ZNF569: variants seen among roughly 807,000 people sequenced by gnomAD.
ZNF569 encodes the protein DNA-binding protein.
A neutral mutation model predicts 56.3 loss-of-function variants in ZNF569; 38 were observed. The ratio of observed to expected loss-of-function variants is 0.68; its 90% CI spans 0.52 to 0.88. The LOEUF is 0.88. Among genes scored for constraint, ZNF569 ranks in the 40% least tolerant of loss-of-function variants. The pLI is 0.00. For missense variants in ZNF569, 666 were observed against 809.2 expected, an observed-to-expected ratio of 0.82 and a Z score of 2.15; for synonymous variants, 241 against 262.9, an observed-to-expected ratio of 0.92 and a Z score of 0.81.
intron 3 of ZNF569, among the ~76,000 whole-genome samples, chr19:37,443,131 G>A (rs771995083): frequency 6.6e-6 from 1 of 152,230 alleles, no homozygotes; most frequent in South Asian, 2.1e-4. Context: ...CAGATAACCC[G>A]AGGTCAGGAG....
Position 37,412,972 on chromosome 19 carries a change from G to C in ZNF569, c.1686C>G (p.Cys562Trp), listed in dbSNP as rs1399980533. The part of the protein sequence containing the change: ...CDKCGKAFSQ[C>W]SLLNLHMRSH... Reference sequence around the variant, plus strand: ...TTCTCATATGTAAATTAAGCAGTGAGCACTGAGAGAAGGCTTTACCACATT... The same window carrying C: ...TTCTCATATGTAAATTAAGCAGTGACCACTGAGAGAAGGCTTTACCACATT... The change falls in exon 6 of 6, where the codon TGC (cysteine) becomes TGG (tryptophan). Residue 562 changes from cysteine (C) to tryptophan (W), a missense_variant. Coordinates refer to ENST00000316950, the MANE Select transcript of ZNF569 (RefSeq NM_152484.3). 3.0e-5 allele frequency: 49 copies of C among 1,613,346 alleles called. No homozygotes were observed. The highest frequency in any genetic ancestry group is 4.1e-5 in the Non-Finnish European group (48 of 1,179,766).
intron 2 of ZNF569, among the ~76,000 whole-genome samples, chr19:37,463,249 CAAT>C (rs145640518): frequency 0.024 from 3,601 of 152,250 alleles, 160 homozygotes; most frequent in African/African-American, 0.082. Context: ...TGCTGCGTAA[CAAT>C]GTTTCAGCCA....
At chr19:37,468,811 T>C (rs1443078714), upstream of ZNF569, among the ~76,000 whole-genome samples, 1 of 152,186 alleles carries the variant, frequency 6.6e-6, no homozygotes. Context: ...AGGCTGAGGG[T>C]AGCGGGTGGG....
At chr19:37,449,424 T>C (rs2041555014) in intron 2 of ZNF569, among the ~76,000 whole-genome samples, 1 of 152,210 alleles carries the variant, frequency 6.6e-6, no homozygotes, top group Non-Finnish European at 1.5e-5. Context: ...TCACGCTCTA[T>C]CGATTCCTGA....
Position 37,450,712 on chromosome 19 carries a change from A to G in ZNF569, c.-43-5748T>C, listed in dbSNP as rs544152151. ...CTGATTCTAGTTCCTTGAGATGTAA[A>G]GTTAGTTGTTTATTTGAGATCTTTC... On this transcript the variant is annotated intron_variant, in intron 2 of 5. Transcript: ENST00000316950. Among the ~76,000 whole-genome samples the G allele has an allele frequency of 2.0e-5, 3 of 152,056 alleles. No individual in the cohort carries two copies. In the East Asian group the frequency reaches 5.8e-4, roughly 29 times the overall value.
chr19:37,460,934 GA>G, intron 2 of ZNF569, among the ~76,000 whole-genome samples: 1 of 152,154 alleles, frequency 6.6e-6, no homozygotes, highest in East Asian at 1.9e-4. Flanking sequence ...GCTTCAAAAA[GA>G]AAATAAGTGC....
chr19:37,437,417 G>A (rs922867966), intron 3 of ZNF569, among the ~76,000 whole-genome samples: 2 of 152,074 alleles, frequency 1.3e-5, no homozygotes, highest in Non-Finnish European at 2.9e-5. Context: ...TTTAAGATCT[G>A]GAATATGACA....
At chr19:37,416,258 C>A (rs1319585486) in intron 5 of ZNF569, among the ~76,000 whole-genome samples, 191 of 128,920 alleles carry the variant, frequency 1.5e-3, no homozygotes, top group African/African-American at 4.1e-3. Flanking sequence ...AACAAAAAAA[C>A]AAAAAAACAA....
At chr19:37,439,133 C>G (rs1001290080) in intron 3 of ZNF569, among the ~76,000 whole-genome samples, 1 of 152,084 alleles carries the variant, frequency 6.6e-6, no homozygotes, top group African/African-American at 2.4e-5. Context: ...TGCAGTGGTG[C>G]GATCTTGGCT....
intron 5 of ZNF569, 92 bp downstream of exon 5, chr19:37,425,776 T>C: frequency 1.8e-6 from 2 of 1,097,466 alleles, no homozygotes; most frequent in Non-Finnish European, 2.7e-6. Context: ...TGAAAATATC[T>C]TTGAAGAATA....
intron 2 of ZNF569, among the ~76,000 whole-genome samples, chr19:37,450,452 G>GT (rs1039274089): frequency 4.6e-5 from 7 of 152,108 alleles, no homozygotes; most frequent in African/African-American, 1.7e-4. Context: ...ATTGTTCACA[G>GT]TTTTTTCTTA....
In ZNF569 at chr19:37,414,166, A is replaced by G. The variant is rs140277147; in HGVS notation, c.492T>C (p.His164=). The G allele has an allele frequency of 6.2e-7, 1 of 1,613,522 alleles. No homozygotes were observed. Among genetic ancestry groups the G allele is most frequent in the Admixed American group, 1.7e-5 (1 of 59,956 alleles). ...ATTTCACAGGTTCATTATATTCACA[A>G]TGCTCCTTTCTCATAAGGCATTTCA... ...NNVKCLMRKE[H]CEYNEPVKSY... is the part of the protein sequence containing the mutation. Residue 164 remains histidine, a synonymous_variant, in exon 6 of 6, where the codon CAT becomes CAC. Transcript: ENST00000316950.
chr19:37,419,360 T>C (rs2040990354), intron 5 of ZNF569, among the ~76,000 whole-genome samples: 1 of 152,238 alleles, frequency 6.6e-6, no homozygotes, highest in South Asian at 2.1e-4. Flanking sequence ...TCAGAGATAC[T>C]GTGGGTTCAG....
chr19:37,441,958 A>G (rs969165229), intron 3 of ZNF569, among the ~76,000 whole-genome samples: 1 of 152,230 alleles, frequency 6.6e-6, no homozygotes, highest in African/African-American at 2.4e-5. Flanking sequence ...ACAAAGTAGA[A>G]TCTGAATGAC....
intron 3 of ZNF569, among the ~76,000 whole-genome samples, chr19:37,443,145 G>A (rs1293254049): frequency 2.0e-5 from 3 of 152,302 alleles, no homozygotes; most frequent in African/African-American, 7.2e-5. Flanking sequence ...TCAGGAGTTG[G>A]AGACCAGCCT....
chr19:37,438,695 G>A (rs1174078529), intron 3 of ZNF569, among the ~76,000 whole-genome samples: 1 of 152,138 alleles, frequency 6.6e-6, no homozygotes, highest in Admixed American at 6.5e-5. Flanking sequence ...ACTGGGCAAA[G>A]GTTCCTTGAG....
In ZNF569 at chr19:37,425,937, T is replaced by C; in HGVS notation, c.169A>G (p.Ile57Val). ...VGYPFTKPDV[I>V]FKLEQEEEPW... The stretch of plus-strand genomic sequence containing the variant: ...TCTTCTTCTTGCTCCAATTTGAAAA[T>C]CACATCAGGTTTGGTGAACGGATAG... The change falls in exon 5 of 6, where the codon ATT becomes GTT. Residue 57 changes from isoleucine (I) to valine (V), a missense_variant. Coordinates refer to ENST00000316950, the MANE Select transcript of ZNF569 (RefSeq NM_152484.3). The C allele has an allele frequency of 6.2e-7, 1 of 1,613,960 alleles. No individual in the cohort carries two copies. Among genetic ancestry groups the C allele is most frequent in the East Asian group, 2.2e-5 (1 of 44,850 alleles).
rs1171459891 is a variant in ZNF569 at position 37,452,447 on chromosome 19, A to G, written c.-43-7483T>C. Among the ~76,000 whole-genome samples, 4 of 151,904 alleles carry G rather than the reference A, an allele frequency of 2.6e-5. No homozygotes were observed. The East Asian group carries it at 7.7e-4, about 29-fold the overall frequency. Reference sequence around the variant, plus strand: ...TGCTGTTTGGTGTTTTTTCATTTCTATTTGAAAACTCCCTTTAGCATTTTT... The same window carrying G: ...TGCTGTTTGGTGTTTTTTCATTTCTGTTTGAAAACTCCCTTTAGCATTTTT... On this transcript the variant is annotated intron_variant, in intron 2 of 5. Coordinates refer to ENST00000316950, the MANE Select transcript of ZNF569 (RefSeq NM_152484.3).
At chr19:37,468,958 C>A, upstream of ZNF569, 1 of 757,618 alleles carries the variant, frequency 1.3e-6, no homozygotes. Flanking sequence ...AGACGCGCCA[C>A]TAGCGCGTTC....
Sources: allele counts gnomAD v4.1 joint callset (sites outside exome capture counted in the v4.1 genomes callset), GRCh38; gene constraint gnomAD v4.1.1; transcripts MANE v1.5; gene names NCBI Gene and HGNC (gene_info 2026-07-23, HGNC 2026-07-21).